Variants in FGFR2 observed in about 807,000 individuals in gnomAD.
FGFR2 encodes BEK fibroblast growth factor receptor.
A neutral mutation model predicts 95.9 loss-of-function variants in FGFR2; 19 were observed. The observed-to-expected ratio is 0.20, with a 90% CI of 0.14 to 0.29. The LOEUF is 0.29. Ranked by LOEUF, FGFR2 falls within the 10% of genes least tolerant of loss-of-function variation. The probability of loss-of-function intolerance (pLI) is 1.00; values close to 1 mark genes in which losing one functional copy is unlikely to be tolerated. For missense variants in FGFR2, 707 were observed against 1,056.9 expected (o/e 0.67, Z 4.59); for synonymous variants, 392 against 393.3 (o/e 1.00, Z 0.04).
intron 17 of FGFR2, chr10:121,482,165 TA>T: frequency 1.2e-6 from 2 of 1,612,926 alleles, no homozygotes; most frequent in Non-Finnish European, 1.7e-6. Flanking sequence ...AATGAAGCCA[TA>T]AACTTTCAGA....
intron 2 of FGFR2, among the ~76,000 whole-genome samples, chr10:121,581,132 T>C (rs766597648): frequency 1.3e-5 from 2 of 152,184 alleles, no homozygotes; most frequent in Non-Finnish European, 2.9e-5. Flanking sequence ...CCCACTCAAA[T>C]ACGGCCTGGA....
chr10:121,571,045 G>C (rs1858592778), intron 2 of FGFR2, among the ~76,000 whole-genome samples: 1 of 151,674 alleles, frequency 6.6e-6, no homozygotes, highest in Non-Finnish European at 1.5e-5. Context: ...CTGGAGTGCA[G>C]TGGCGCGATC....
At chr10:121,498,127 G>A (rs1847120384) in intron 12 of FGFR2, among the ~76,000 whole-genome samples, 1 of 152,160 alleles carries the variant, frequency 6.6e-6, no homozygotes, top group South Asian at 2.1e-4. Flanking sequence ...CCTGTTTTAA[G>A]GGAAGAACTT....
chr10:121,522,195 A>C (rs1222796826), intron 6 of FGFR2, among the ~76,000 whole-genome samples: 1 of 152,240 alleles, frequency 6.6e-6, no homozygotes. Flanking sequence ...AAGATGAGCA[A>C]ACTCTAGAGA....
chr10:121,567,316 C>T (rs1172118820), intron 2 of FGFR2, among the ~76,000 whole-genome samples: 3 of 152,122 alleles, frequency 2.0e-5, no homozygotes, highest in Non-Finnish European at 4.4e-5. Flanking sequence ...GCCCCAGATG[C>T]CAACTAGCAC....
intron 12 of FGFR2, among the ~76,000 whole-genome samples, chr10:121,497,127 T>C (rs1251994217): frequency 3.5e-5 from 2 of 57,740 alleles, no homozygotes; most frequent in Non-Finnish European, 4.9e-5. Context: ...CGAGACTTTG[T>C]CTCAAAAAAA....
intron 4 of FGFR2, among the ~76,000 whole-genome samples, chr10:121,559,093 T>C (rs143202083): frequency 9.7e-4 from 131 of 134,948 alleles, no homozygotes; most frequent in Non-Finnish European, 1.5e-3. Context: ...AAATTTTCAA[T>C]GTCTCAATCC....
rs2133771596 is a variant in FGFR2, at chr10:121,483,797, C to T, written c.2202G>A (p.Met734Ile). The change falls in exon 17 of 18, where the codon ATG becomes ATA. Residue 734 changes from methionine to isoleucine, a missense_variant. Met to Ile is a conservative substitution (Grantham distance 10, BLOSUM62 1). This residue lies in a region of FGFR2 where 104 missense variants were observed against 214.2 expected (regional missense o/e 0.49). Transcript: ENST00000358487. ...KPANCTNELY[M>I]MMRDCWHAVP... is the part of the protein sequence containing the mutation. ...CTGCATGCCAACAGTCCCTCATCAT[C>T]ATGTACCTGGGAAAAATGGATTTCC... 1 of 1,612,718 alleles carries T rather than the reference C, an allele frequency of 6.2e-7. No individual in the cohort carries two copies. Among genetic ancestry groups the T allele is most frequent in the Non-Finnish European group, 8.5e-7 (1 of 1,179,102 alleles).
intron 9 of FGFR2, among the ~76,000 whole-genome samples, chr10:121,510,216 G>T (rs530027740): frequency 6.6e-6 from 1 of 152,134 alleles, no homozygotes; most frequent in African/African-American, 2.4e-5. Flanking sequence ...TCTGCCTCCC[G>T]CAGGCCTTTC....
At chr10:121,594,857 C>A (rs1224402768) in intron 1 of FGFR2, among the ~76,000 whole-genome samples, 1 of 152,082 alleles carries the variant, frequency 6.6e-6, no homozygotes, top group East Asian at 1.9e-4. Context: ...GTGATTGGAC[C>A]AATAACTTTC....
chr10:121,587,050 G>A (rs1411586926), intron 2 of FGFR2, among the ~76,000 whole-genome samples: 20 of 152,212 alleles, frequency 1.3e-4, no homozygotes, highest in Non-Finnish European at 1.9e-4. Context: ...AAACAGGCAC[G>A]TAGACCAATG....
chr10:121,580,468 A>G (rs1860670270), intron 2 of FGFR2, among the ~76,000 whole-genome samples: 1 of 304 alleles, frequency 3.3e-3, no homozygotes, highest in Non-Finnish European at 0.025. Flanking sequence ...AGGCCTGGCC[A>G]GCATCTCGAA....
At chr10:121,552,006 A>C (rs1855483924) in intron 4 of FGFR2, among the ~76,000 whole-genome samples, 2 of 80,962 alleles carry the variant, frequency 2.5e-5, no homozygotes, top group African/African-American at 1.1e-4. Flanking sequence ...CTCAGAACTT[A>C]TATACAAACA....
intron 5 of FGFR2, among the ~76,000 whole-genome samples, chr10:121,546,611 G>T (rs939228434): frequency 2.6e-5 from 4 of 152,174 alleles, no homozygotes; most frequent in Non-Finnish European, 4.4e-5. Flanking sequence ...TGAGCTTTCT[G>T]TCACATTTCA....
Position 121,543,212 on chromosome 10 carries a change from T to TA in FGFR2, c.625-4498dup, listed in dbSNP as rs41295751. 6.3e-3 allele frequency among the ~76,000 whole-genome samples: 964 copies of TA among 152,230 alleles called. 12 individuals are homozygous for TA. The highest frequency in any genetic ancestry group is 0.022 in the African/African-American group (920 of 41,540). On this transcript the variant is annotated intron_variant, in intron 5 of 17. Coordinates refer to ENST00000358487, the MANE Select transcript of FGFR2 (RefSeq NM_000141.5). Reference sequence around the variant, plus strand: ...GTTCATTCAACAGGTGAGTTGCCATTAAAATGCAAAAAATCTGCCAGGTGC... The same window carrying TA: ...GTTCATTCAACAGGTGAGTTGCCATTAAAAATGCAAAAAATCTGCCAGGTGC...
intron 4 of FGFR2, among the ~76,000 whole-genome samples, chr10:121,555,198 C>A (rs1282025733): frequency 1.3e-5 from 2 of 152,126 alleles, no homozygotes; most frequent in African/African-American, 4.8e-5. Context: ...CATGGTGAAA[C>A]CCCGTCTCCA....
At chr10:121,551,254 T>C (rs2134826007) in intron 5 of FGFR2, 36 bp downstream of exon 5, 8 of 1,610,134 alleles carry the variant, frequency 5.0e-6, no homozygotes, top group East Asian at 2.2e-5. Context: ...TAAACAAAAA[T>C]GTAAGAAATG....
At chr10:121,585,345 T>C (rs1357334955) in intron 2 of FGFR2, among the ~76,000 whole-genome samples, 1 of 151,948 alleles carries the variant, frequency 6.6e-6, no homozygotes, top group Non-Finnish European at 1.5e-5. Context: ...CTATACACTG[T>C]AGAGTAAACA....
chr10:121,565,760 G>T, intron 2 of FGFR2, 56 bp from the exon 3 acceptor site: 1 of 1,572,834 alleles, frequency 6.4e-7, no homozygotes, highest in South Asian at 1.1e-5. Context: ...GGAGAGGAGA[G>T]AACGTCCAAC....
Sources: gnomAD v4.1 joint callset for allele counts (sites outside exome capture counted in the v4.1 genomes callset) on GRCh38, gnomAD v4.1.1 for gene constraint, gnomAD v4.1.1 regional missense constraint, MANE v1.5 for transcripts, NCBI Gene and HGNC (gene_info 2026-07-23, HGNC 2026-07-21) for gene names.